The following NTNG2 variants were observed in gnomAD, a reference collection of about 807,000 sequenced individuals.
NTNG2 encodes netrin-G2.
NTNG2 carries 15 observed loss-of-function variants against 47.6 expected under a neutral mutation model. The ratio of observed to expected loss-of-function variants is 0.32; its 90% CI spans 0.21 to 0.49. The LOEUF (loss-of-function observed/expected upper bound fraction) is 0.49. Among genes scored for constraint, NTNG2 ranks in the 20% least tolerant of loss-of-function variants. The pLI, the probability that NTNG2 is intolerant of heterozygous loss-of-function variation, is 0.99. For synonymous variants in NTNG2, 307 were observed against 324.6 expected, an observed-to-expected ratio of 0.95 and a Z score of 0.58; for missense variants, 578 against 764.6, an observed-to-expected ratio of 0.76 and a Z score of 2.88.
intron 2 of NTNG2, among the ~76,000 whole-genome samples, chr9:132,184,216 A>C (rs1404724978): frequency 6.6e-6 from 1 of 152,142 alleles, no homozygotes; most frequent in Non-Finnish European, 1.5e-5. Flanking sequence ...AGAGACCAGC[A>C]GGAAGAAACC....
chr9:132,198,725 G>T (rs1426171847), intron 3 of NTNG2, 116 bp downstream of exon 3: 1 of 1,118,516 alleles, frequency 8.9e-7, no homozygotes, highest in East Asian at 2.6e-5. Context: ...CGGGTTCTTG[G>T]GATGTTACCT....
In NTNG2 at chr9:132,195,339, C is replaced by T. The variant is rs530761334; in HGVS notation, c.214-2627C>T. Among the ~76,000 whole-genome samples, 260 of 152,184 alleles carry T rather than the reference C, an allele frequency of 1.7e-3. 1 individual carries two copies. Among genetic ancestry groups the T allele is most frequent in the African/African-American group, 6.0e-3 (251 of 41,532 alleles). On this transcript the variant is annotated intron_variant, in intron 2 of 7. Coordinates refer to ENST00000393229, the MANE Select transcript of NTNG2 (RefSeq NM_032536.4). Reference sequence around the variant, plus strand: ...GTTTTTGTTTTTTGAGACAAAGTCTCGCTCTGTCGCCCAGGCTGGAGCGCA... The same window carrying T: ...GTTTTTGTTTTTTGAGACAAAGTCTTGCTCTGTCGCCCAGGCTGGAGCGCA...
chr9:132,191,361 A>G (rs10901136), intron 2 of NTNG2, among the ~76,000 whole-genome samples: 52,306 of 151,872 alleles, frequency 0.34, 9,086 homozygotes, highest in African/African-American at 0.39. Context: ...AATCGCTCCC[A>G]TTTGGAGACA....
intron 2 of NTNG2, among the ~76,000 whole-genome samples, chr9:132,176,951 G>A (rs899838867): frequency 1.3e-5 from 2 of 152,170 alleles, no homozygotes; most frequent in African/African-American, 4.8e-5. Flanking sequence ...GATAGCTAAT[G>A]ATGTCAGTGT....
chr9:132,230,446 G>A, intron 4 of NTNG2, 126 bp from the exon 5 acceptor site: 1 of 780,774 alleles, frequency 1.3e-6, no homozygotes, highest in Non-Finnish European at 2.2e-6. Context: ...TTGTGTGGTG[G>A]AGCAGGTGCT....
chr9:132,179,175 T>A (rs1836732637), intron 2 of NTNG2, among the ~76,000 whole-genome samples: 1 of 152,158 alleles, frequency 6.6e-6, no homozygotes, highest in Non-Finnish European at 1.5e-5. Flanking sequence ...TCTCTGTCCA[T>A]CTACACGTGC....
At chr9:132,220,966 G>A (rs116818392) in intron 3 of NTNG2, among the ~76,000 whole-genome samples, 18 of 152,108 alleles carry the variant, frequency 1.2e-4, no homozygotes, top group African/African-American at 4.3e-4. Flanking sequence ...TTATGAGTCT[G>A]ACATTAAAAA....
At position 132,231,475 on chromosome 9, in the gene NTNG2, C is replaced by T. The variant is rs1242082527; in HGVS notation, c.1054+880C>T. The T allele has an allele frequency of 1.9e-5, 7 of 368,924 alleles. No individual in the cohort carries two copies. Among genetic ancestry groups the T allele is most frequent in the African/African-American group, 6.4e-5 (3 of 46,602 alleles). 22.9% of individuals were successfully genotyped at this position (368,924 alleles called of 1,614,324 possible). A position where few individuals can be genotyped will look rare whatever the true frequency, so the allele number is the denominator to read the frequency against. On this transcript the variant is annotated intron_variant, in intron 5 of 7. Coordinates refer to ENST00000393229, the MANE Select transcript of NTNG2 (RefSeq NM_032536.4). This position sits in a 1 kb window ranked among gnomAD's most constrained non-coding sequence, Gnocchi z 4.1. ...CACATCCCACCCAAGTTGTCCCTCCCGGACCCAGGGGGCCCCTGGCTGGGA... is the reference window on the plus strand; with the variant it reads ...CACATCCCACCCAAGTTGTCCCTCCTGGACCCAGGGGGCCCCTGGCTGGGA...
At chr9:132,186,985 C>T (rs1837439026) in intron 2 of NTNG2, among the ~76,000 whole-genome samples, 1 of 152,248 alleles carries the variant, frequency 6.6e-6, no homozygotes, top group Non-Finnish European at 1.5e-5. Flanking sequence ...CTAAAGTGCT[C>T]CCTTTCCTCC....
intron 2 of NTNG2, among the ~76,000 whole-genome samples, chr9:132,189,093 T>TTTTTTTTTTTTG (rs1181474592): frequency 7.1e-6 from 1 of 140,662 alleles, no homozygotes; most frequent in Non-Finnish European, 1.5e-5. Flanking sequence ...TTTTTTTTTT[T>TTTTTTTTTTTTG]TTAGACAGGG....
intron 5 of NTNG2, among the ~76,000 whole-genome samples, chr9:132,234,432 C>T (rs939140057): frequency 6.6e-6 from 1 of 152,246 alleles, no homozygotes; most frequent in Non-Finnish European, 1.5e-5. Flanking sequence ...ATGGCGAGAA[C>T]TTGCTTCCCA....
At chr9:132,185,797 G>A (rs919769217) in intron 2 of NTNG2, among the ~76,000 whole-genome samples, 15 of 151,892 alleles carry the variant, frequency 9.9e-5, no homozygotes, top group East Asian at 3.9e-4. Context: ...GAAGGGAGGC[G>A]CCAGACTGAG....
Position 132,189,983 on chromosome 9 carries a change from C to G in NTNG2, c.214-7983C>G, listed in dbSNP as rs548148669. ...TTAAGAAGGTTTTAGCCTGTAATCC[C>G]AGCACTTTGGGAGGCCGAGGCGGGC... On this transcript the variant is annotated intron_variant, in intron 2 of 7. Transcript: ENST00000393229. Among the ~76,000 whole-genome samples, 3 of 148,000 alleles carry G rather than the reference C, an allele frequency of 2.0e-5. No individual in the cohort carries two copies. In the East Asian group the frequency reaches 6.3e-4, roughly 31 times the overall value.
At position 132,211,588 on chromosome 9, in the gene NTNG2, T is replaced by C. The variant is rs1839592379; in HGVS notation, c.857+12979T>C. Among the ~76,000 whole-genome samples the C allele has an allele frequency of 2.6e-5, 4 of 152,138 alleles. No individual in the cohort carries two copies. The South Asian group carries it at 8.3e-4, about 31-fold the overall frequency. On this transcript the variant is annotated intron_variant, in intron 3 of 7. Transcript: ENST00000393229. Reference sequence around the variant, plus strand: ...GGGTCTCTCGGGCTGGCCTAGGGGCTAGTCCTTCTGCCTGGAACATGACCT... The same window carrying C: ...GGGTCTCTCGGGCTGGCCTAGGGGCCAGTCCTTCTGCCTGGAACATGACCT...
rs950192844 is a variant in NTNG2, at chr9:132,166,698, C to T, written c.-134C>T. 14 of 763,248 alleles carry T rather than the reference C, an allele frequency of 1.8e-5. No homozygotes were observed. The highest frequency in any genetic ancestry group is 1.1e-4 in the Admixed American group (5 of 47,400). The allele number at this position is 763,248 out of a possible 1,614,324, so 47.3% of individuals were successfully genotyped here. A position where few individuals can be genotyped will look rare whatever the true frequency, so the allele number is the denominator to read the frequency against. On this transcript the variant is annotated 5_prime_UTR_variant, in exon 2 of 8. Coordinates refer to ENST00000393229, the MANE Select transcript of NTNG2 (RefSeq NM_032536.4). The stretch of plus-strand genomic sequence containing the variant: ...TCGCTGTTTGCAAAGCTTCAGTGCT[C>T]GGGTCCCTGGGACACCCCGGCCACC...
intron 2 of NTNG2, among the ~76,000 whole-genome samples, chr9:132,194,316 C>T (rs1388751865): frequency 6.6e-6 from 1 of 152,204 alleles, no homozygotes; most frequent in Non-Finnish European, 1.5e-5. Flanking sequence ...CATCCAGGCT[C>T]ACAGCACCCT....
At chr9:132,186,341 TG>T (rs1165370606) in intron 2 of NTNG2, among the ~76,000 whole-genome samples, 3 of 152,224 alleles carry the variant, frequency 2.0e-5, no homozygotes, top group African/African-American at 7.2e-5. Context: ...GAAATCTGGC[TG>T]TGGGAAGAAT....
In NTNG2 at chr9:132,182,691, G is replaced by C. The variant is rs985531996; in HGVS notation, c.214-15275G>C. Among the ~76,000 whole-genome samples, 4 of 152,202 alleles carry C rather than the reference G, an allele frequency of 2.6e-5. No individual in the cohort carries two copies. The highest frequency in any genetic ancestry group is 5.9e-5 in the Non-Finnish European group (4 of 68,030). On this transcript the variant is annotated intron_variant, in intron 2 of 7. Transcript: ENST00000393229. This position sits in a 1 kb window ranked among gnomAD's most constrained non-coding sequence, Gnocchi z 4.2. Reference sequence around the variant, plus strand: ...GTACGGGTTGTCTCCCAGCAGGAAAGGGAGGTTTCAGGTTTTGTGGCTCTT... The same window carrying C: ...GTACGGGTTGTCTCCCAGCAGGAAACGGAGGTTTCAGGTTTTGTGGCTCTT...
rs1157735139 is a variant in NTNG2, at chr9:132,197,674, G to A, written c.214-292G>A. ...AGGACTCTGTATTCCAGGCAACGGG[G>A]AGCCATGGAGGGCTTCAAAGCAGGG... On this transcript the variant is annotated intron_variant, in intron 2 of 7. Transcript: ENST00000393229. The surrounding 1 kb of genome is among the most constrained non-coding windows in gnomAD (Gnocchi z 4.3). 1.3e-5 allele frequency among the ~76,000 whole-genome samples: 2 copies of A among 152,192 alleles called. No individual in the cohort carries two copies. The highest frequency in any genetic ancestry group is 2.9e-5 in the Non-Finnish European group (2 of 68,038).
Sources: allele counts gnomAD v4.1 joint callset (sites outside exome capture counted in the v4.1 genomes callset), GRCh38; gene constraint gnomAD v4.1.1; non-coding constraint Gnocchi (gnomAD v3.1); transcripts MANE v1.5; gene names NCBI Gene and HGNC (gene_info 2026-07-23, HGNC 2026-07-21).